TMEM178B: variants seen among roughly 807,000 people sequenced by gnomAD.
TMEM178B encodes transmembrane protein 178B.
In TMEM178B, 5 loss-of-function variants were observed where a neutral mutation model predicts 31.0. That is an observed-to-expected ratio of 0.16 (90% CI 0.08 to 0.34). TMEM178B has a LOEUF of 0.34. Ranked by LOEUF, TMEM178B falls within the 10% of genes least tolerant of loss-of-function variation. The probability of loss-of-function intolerance (pLI) is 1.00; values close to 1 mark genes in which losing one functional copy is unlikely to be tolerated. For synonymous variants in TMEM178B, 164 were observed against 164.0 expected (o/e 1.00, Z 0.00); for missense variants, 275 against 400.3 (o/e 0.69, Z 2.67).
intron 1 of TMEM178B, among the ~76,000 whole-genome samples, chr7:141,201,311 C>T (rs947583329): frequency 2.0e-5 from 3 of 152,086 alleles, no homozygotes; most frequent in Non-Finnish European, 2.9e-5. Context: ...TGACTGTGCT[C>T]AGTGCTCCGT....
chr7:141,332,538 T>G (rs1295116148), intron 2 of TMEM178B, among the ~76,000 whole-genome samples: 2 of 152,230 alleles, frequency 1.3e-5, no homozygotes, highest in Non-Finnish European at 2.9e-5. Context: ...CGTCCATTCC[T>G]CTAGCTCCCT....
At chr7:141,204,336 C>T (rs1264567753) in intron 1 of TMEM178B, among the ~76,000 whole-genome samples, 1 of 152,206 alleles carries the variant, frequency 6.6e-6, no homozygotes, top group Non-Finnish European at 1.5e-5. Context: ...CTGTTGCTCT[C>T]CATCTGCCAC....
intron 3 of TMEM178B, among the ~76,000 whole-genome samples, chr7:141,458,615 G>T (rs2116714850): frequency 6.6e-6 from 1 of 152,110 alleles, no homozygotes; most frequent in East Asian, 1.9e-4. Flanking sequence ...ATGAAAACAG[G>T]AAACATTTTT....
chr7:141,304,267 G>A (rs1334229341), intron 2 of TMEM178B, among the ~76,000 whole-genome samples: 1 of 152,168 alleles, frequency 6.6e-6, no homozygotes. Context: ...ATTAAAGATG[G>A]AGGTAGAGGA....
intron 1 of TMEM178B, among the ~76,000 whole-genome samples, chr7:141,115,061 G>C (rs982308219): frequency 6.6e-6 from 1 of 152,022 alleles, no homozygotes; most frequent in Admixed American, 6.5e-5. Flanking sequence ...GTGTGTGTTT[G>C]TGACAGAGTC....
At chr7:141,291,407 G>A (rs910005019) in intron 2 of TMEM178B, among the ~76,000 whole-genome samples, 2 of 152,166 alleles carry the variant, frequency 1.3e-5, no homozygotes, top group African/African-American at 2.4e-5. Flanking sequence ...ACCATGATGT[G>A]TGCCCCCGTT....
the TMEM178B span, among the ~76,000 whole-genome samples, chr7:141,489,256 G>A: frequency 6.6e-6 from 1 of 152,198 alleles, no homozygotes; most frequent in South Asian, 2.1e-4. Context: ...TTGAGCAGCA[G>A]CTCCAGCCTT....
chr7:141,144,961 T>C (rs1795828774), intron 1 of TMEM178B, among the ~76,000 whole-genome samples: 1 of 152,068 alleles, frequency 6.6e-6, no homozygotes, highest in Admixed American at 6.5e-5. Context: ...TAGCTCTAGG[T>C]TGAGGGGAAA....
chr7:141,508,528 C>G, the TMEM178B span, among the ~76,000 whole-genome samples: 3 of 152,298 alleles, frequency 2.0e-5, no homozygotes, highest in East Asian at 5.8e-4. Flanking sequence ...TCTACTGGTA[C>G]CAATTTACTG....
intron 1 of TMEM178B, among the ~76,000 whole-genome samples, chr7:141,123,539 G>T (rs948308089): frequency 2.6e-5 from 4 of 152,212 alleles, no homozygotes; most frequent in African/African-American, 4.8e-5. Flanking sequence ...CAGACCCAGG[G>T]ACATGGAGTC....
At chr7:141,077,820 T>C (rs1011150661) in intron 1 of TMEM178B, among the ~76,000 whole-genome samples, 3 of 152,210 alleles carry the variant, frequency 2.0e-5, no homozygotes, top group Non-Finnish European at 2.9e-5. Context: ...TGAAACAGTG[T>C]GGCTGTCAGG....
In TMEM178B at chr7:141,463,865, C is replaced by T. The variant is rs572967771; in HGVS notation, c.635-6671C>T. Among the ~76,000 whole-genome samples, 19 of 152,288 alleles carry T rather than the reference C, an allele frequency of 1.2e-4. No homozygotes were observed. In the South Asian group the frequency reaches 3.3e-3, roughly 27 times the overall value. Reference sequence around the variant, plus strand: ...CAGGATGCACTCAGGTAAGGCCAGACGCGCAGGATACAGGAATACAGGCAT... The same window carrying T: ...CAGGATGCACTCAGGTAAGGCCAGATGCGCAGGATACAGGAATACAGGCAT... On this transcript the variant is annotated intron_variant, in intron 3 of 3. Coordinates refer to ENST00000565468, the MANE Select transcript of TMEM178B (RefSeq NM_001195278.2).
chr7:141,238,742 G>T (rs1046717931), intron 2 of TMEM178B, among the ~76,000 whole-genome samples: 1 of 152,218 alleles, frequency 6.6e-6, no homozygotes, highest in Non-Finnish European at 1.5e-5. Flanking sequence ...CACTGTTTAT[G>T]CGGATCTAGG....
chr7:141,132,618 G>A (rs1233669536), intron 1 of TMEM178B, among the ~76,000 whole-genome samples: 2 of 152,068 alleles, frequency 1.3e-5, no homozygotes, highest in Non-Finnish European at 2.9e-5. Flanking sequence ...CACTGCTGGT[G>A]CCCACATGTG....
chr7:141,110,163 G>A (rs372770964), intron 1 of TMEM178B, among the ~76,000 whole-genome samples: 228 of 152,256 alleles, frequency 1.5e-3, no homozygotes, highest in Non-Finnish European at 2.1e-3. Context: ...AATTTGGTGT[G>A]TGGTAATTGT....
chr7:141,178,225 T>A (rs1269549253), intron 1 of TMEM178B, among the ~76,000 whole-genome samples: 5 of 152,226 alleles, frequency 3.3e-5, no homozygotes, highest in Non-Finnish European at 5.9e-5. Context: ...GGATATGACA[T>A]TCTGGGTTGA....
At chr7:141,280,342 T>C (rs1798335636) in intron 2 of TMEM178B, among the ~76,000 whole-genome samples, 1 of 152,120 alleles carries the variant, frequency 6.6e-6, no homozygotes, top group South Asian at 2.1e-4. Flanking sequence ...GAATTGTAGC[T>C]CCCATAATTC....
intron 2 of TMEM178B, among the ~76,000 whole-genome samples, chr7:141,243,792 G>C (rs1051543943): frequency 6.6e-6 from 1 of 152,088 alleles, no homozygotes; most frequent in Non-Finnish European, 1.5e-5. Context: ...AGTTATGAGG[G>C]GAAGGAAAGT....
chr7:141,131,657 T>C (rs781450498), intron 1 of TMEM178B, among the ~76,000 whole-genome samples: 6 of 152,244 alleles, frequency 3.9e-5, no homozygotes, highest in Non-Finnish European at 7.3e-5. Context: ...CTGAGTAGTA[T>C]CCTCATAGTA....
Sources: allele counts gnomAD v4.1 joint callset (sites outside exome capture counted in the v4.1 genomes callset), GRCh38; gene constraint gnomAD v4.1.1; transcripts MANE v1.5; gene names NCBI Gene and HGNC (gene_info 2026-07-23, HGNC 2026-07-21).